PTPRM: variants seen among roughly 807,000 people sequenced by gnomAD.
PTPRM encodes protein tyrosine phosphatase receptor type M.
A neutral mutation model predicts 186.7 loss-of-function variants in PTPRM; 47 were observed. That is an observed-to-expected ratio of 0.25 (90% CI 0.20 to 0.32). The LOEUF is 0.32. Ranked by LOEUF, PTPRM falls within the 10% of genes least tolerant of loss-of-function variation. The pLI, the probability that PTPRM is intolerant of heterozygous loss-of-function variation, is 1.00. For missense variants in PTPRM, 1,494 were observed against 1,865.0 expected (o/e 0.80, Z 3.66); for synonymous variants, 668 against 674.9 (o/e 0.99, Z 0.16).
chr18:7,941,897 G>C (rs568230484), intron 5 of PTPRM, among the ~76,000 whole-genome samples: 3 of 152,230 alleles, frequency 2.0e-5, no homozygotes, highest in African/African-American at 7.2e-5. Flanking sequence ...TTCGACACTG[G>C]AGGAAGAAAA....
chr18:8,100,495 C>T (rs2091245157), intron 11 of PTPRM, among the ~76,000 whole-genome samples: 1 of 152,134 alleles, frequency 6.6e-6, no homozygotes, highest in Non-Finnish European at 1.5e-5. Flanking sequence ...AGTGAGATAT[C>T]ACTTATCCCC....
intron 14 of PTPRM, among the ~76,000 whole-genome samples, chr18:8,175,419 A>C (rs1030579706): frequency 1.3e-5 from 2 of 152,184 alleles, no homozygotes; most frequent in African/African-American, 4.8e-5. Flanking sequence ...TTAGACAAAA[A>C]AGACTCCACA....
intron 2 of PTPRM, among the ~76,000 whole-genome samples, chr18:7,817,620 T>C (rs1049326480): frequency 4.6e-5 from 5 of 108,012 alleles, no homozygotes; most frequent in African/African-American, 1.4e-4. Flanking sequence ...TTCTATGCTC[T>C]TTTTCTATCA....
At chr18:7,985,909 A>G in intron 7 of PTPRM, among the ~76,000 whole-genome samples, 1 of 152,096 alleles carries the variant, frequency 6.6e-6, no homozygotes, top group East Asian at 1.9e-4. Context: ...GGACTCTAGA[A>G]TAGTTGTAGA....
Position 8,240,667 on chromosome 18 carries a change from AAGAAAGAAAGAAAAAG to A in PTPRM, c.2301-3389_2301-3374del, listed in dbSNP as rs1568584119. Among the ~76,000 whole-genome samples the A allele has an allele frequency of 2.9e-4, 17 of 59,464 alleles. 1 individual carries two copies. Among genetic ancestry groups the A allele is most frequent in the South Asian group, 4.5e-4 (1 of 2,230 alleles). The allele number at this position is 59,464 out of a possible 152,430, so 39.0% of individuals were successfully genotyped here. A position where few individuals can be genotyped will look rare whatever the true frequency, so the allele number is the denominator to read the frequency against. The stretch of plus-strand genomic sequence containing the variant: ...AGAGAGAGAGAGAAAGAAAGAAAGA[AAGAAAGAAAGAAAAAG>A]AAAGAGAGAAAGAGAGAAAGAAAGA... On this transcript the variant is annotated intron_variant, in intron 14 of 32. Transcript: ENST00000580170.
chr18:8,066,781 T>C (rs1407257062), intron 7 of PTPRM, among the ~76,000 whole-genome samples: 2 of 152,244 alleles, frequency 1.3e-5, no homozygotes, highest in Non-Finnish European at 2.9e-5. Context: ...CCTGTCTGAT[T>C]ACCACTCATG....
chr18:7,648,315 C>A (rs2038614212), intron 1 of PTPRM, among the ~76,000 whole-genome samples: 1 of 152,124 alleles, frequency 6.6e-6, no homozygotes, highest in Non-Finnish European at 1.5e-5. Flanking sequence ...TCCCTCTTTC[C>A]TGAGACTCAA....
chr18:8,314,563 T>C (rs1299669557), intron 20 of PTPRM, among the ~76,000 whole-genome samples: 1 of 152,254 alleles, frequency 6.6e-6, no homozygotes, highest in Non-Finnish European at 1.5e-5. Flanking sequence ...GATCAAAGAA[T>C]AAGTTAATGA....
rs142955498 is a variant in PTPRM, at chr18:7,856,714, A to C, written c.197-31392A>C. Among the ~76,000 whole-genome samples the C allele has an allele frequency of 6.3e-3, 938 of 149,596 alleles. 2 individuals carry two copies. Among genetic ancestry groups the C allele is most frequent in the Middle Eastern group, 0.021 (6 of 286 alleles). On this transcript the variant is annotated intron_variant, in intron 2 of 32. Coordinates refer to ENST00000580170, the MANE Select transcript of PTPRM (RefSeq NM_001105244.2). ...AGCCATGATCATGCCACTGCACTCC[A>C]GCCTGGGCAACAGAGCAAGACCCTG...
At chr18:8,028,725 G>C (rs78345779) in intron 7 of PTPRM, among the ~76,000 whole-genome samples, 2,632 of 152,212 alleles carry the variant, frequency 0.017, 77 homozygotes, top group African/African-American at 0.06. Flanking sequence ...TACTAGTCTG[G>C]GTAAAAGAAG....
chr18:7,978,307 G>A (rs374760900), intron 7 of PTPRM, among the ~76,000 whole-genome samples: 13 of 152,142 alleles, frequency 8.5e-5, no homozygotes, highest in Admixed American at 5.2e-4. Context: ...AACACCGAGA[G>A]ATATTTATCT....
intron 1 of PTPRM, among the ~76,000 whole-genome samples, chr18:7,648,799 G>GTGCAGATGCAGAATCTGTTATCCAGATTC (rs2038626814): frequency 6.6e-6 from 1 of 152,216 alleles, no homozygotes; most frequent in South Asian, 2.1e-4. Flanking sequence ...GAAGCAGCAA[G>GTGCAGATGCAGAATCTGTTATCCAGATTC]TGCAGATGCA....
At chr18:7,680,738 G>A (rs961815296) in intron 1 of PTPRM, among the ~76,000 whole-genome samples, 2 of 152,132 alleles carry the variant, frequency 1.3e-5, no homozygotes, top group South Asian at 4.1e-4. Context: ...ACTGGTTTTC[G>A]GCTTCCTGGT....
At chr18:8,170,312 A>G (rs572121923) in intron 14 of PTPRM, among the ~76,000 whole-genome samples, 32 of 152,300 alleles carry the variant, frequency 2.1e-4, no homozygotes, top group African/African-American at 7.7e-4. Context: ...TTCTCAGCCA[A>G]GAAAAGGTCC....
chr18:8,260,034 G>T (rs139918124), intron 19 of PTPRM, among the ~76,000 whole-genome samples: 19 of 152,068 alleles, frequency 1.2e-4, no homozygotes, highest in Non-Finnish European at 2.6e-4. Context: ...CCTGGGGCTC[G>T]GTCATTTGTA....
chr18:7,781,552 C>T (rs1284254167), intron 2 of PTPRM, among the ~76,000 whole-genome samples: 5 of 152,034 alleles, frequency 3.3e-5, no homozygotes, highest in Admixed American at 1.3e-4. Flanking sequence ...TCCCATCACC[C>T]AGGTAGTGAG....
chr18:8,170,995 G>A (rs545550439), intron 14 of PTPRM, among the ~76,000 whole-genome samples: 12 of 152,196 alleles, frequency 7.9e-5, no homozygotes, highest in Non-Finnish European at 8.8e-5. Context: ...ACAGTCTTCC[G>A]ATGGGGCCTC....
chr18:8,198,749 C>T (rs962991089), intron 14 of PTPRM, among the ~76,000 whole-genome samples: 6 of 152,154 alleles, frequency 3.9e-5, no homozygotes, highest in African/African-American at 1.4e-4. Context: ...GTCTTATTGA[C>T]TCTGTTTATC....
chr18:7,953,749 T>C (rs1393222755), intron 6 of PTPRM, among the ~76,000 whole-genome samples: 1 of 152,146 alleles, frequency 6.6e-6, no homozygotes, highest in African/African-American at 2.4e-5. Context: ...GGTGCAAACC[T>C]CATGTGGTGC....
Sources: gnomAD v4.1 joint callset for allele counts (sites outside exome capture counted in the v4.1 genomes callset) on GRCh38, gnomAD v4.1.1 for gene constraint, MANE v1.5 for transcripts, NCBI Gene and HGNC (gene_info 2026-07-23, HGNC 2026-07-21) for gene names.